SLC35C1: variants seen among roughly 807,000 people sequenced by gnomAD.
SLC35C1 encodes the protein GDP-fucose transporter 1.
In SLC35C1, 8 loss-of-function variants were observed where a neutral mutation model predicts 23.2. The observed-to-expected ratio is 0.35, with a 90% CI of 0.20 to 0.62. The LOEUF (loss-of-function observed/expected upper bound fraction) is 0.62, where lower values mean the gene tolerates loss of function less well. Among genes scored for constraint, SLC35C1 ranks in the 20% least tolerant of loss-of-function variants. SLC35C1 has a pLI of 0.75. For synonymous variants in SLC35C1, 226 were observed against 225.1 expected (o/e 1.00, Z -0.04); for missense variants, 422 against 478.6 (o/e 0.88, Z 1.10).
intron 1 of SLC35C1, 24 bp downstream of exon 1, chr11:45,806,360 G>T: frequency 6.2e-7 from 1 of 1,609,948 alleles, no homozygotes; most frequent in East Asian, 2.2e-5. Flanking sequence ...GGGGCCACGG[G>T]GGATAGAGTG....
chr11:45,810,377 G>A, intron 1 of SLC35C1: 1 of 985,402 alleles, frequency 1.0e-6, no homozygotes, highest in Non-Finnish European at 1.2e-6. Flanking sequence ...TCATTCTTCA[G>A]AACTCAGTTC....
At position 45,811,194 on chromosome 11, in the gene SLC35C1, C is replaced by G. The variant is rs767630837; in HGVS notation, c.954C>G (p.Thr318=). Residue 318 remains threonine, a synonymous_variant, in exon 2 of 2, where the codon ACC becomes ACG. Coordinates refer to ENST00000314134, the MANE Select transcript of SLC35C1 (RefSeq NM_018389.5). ...TGGCCGTGCTCTACTACGAGGAGACCAAGAGCTTCCTCTGGTGGACGAGCA... is the reference window on the plus strand; with the variant it reads ...TGGCCGTGCTCTACTACGAGGAGACGAAGAGCTTCCTCTGGTGGACGAGCA... The part of the protein sequence containing the change: ...TVLAVLYYEE[T]KSFLWWTSNM... The G allele has an allele frequency of 2.5e-6, 4 of 1,610,898 alleles. No individual in the cohort carries two copies. The East Asian group carries it at 6.7e-5, about 27-fold the overall frequency.
rs543822651 is a variant in SLC35C1 at position 45,806,918 on chromosome 11, G to A, written c.535+582G>A. On this transcript the variant is annotated intron_variant, in intron 1 of 1. Transcript: ENST00000314134. Reference sequence around the variant, plus strand: ...TCACTCTCTGCCAGCTCAGGATAGCGCCTGAGACAGTAGCAAGCAATATGC... The same window carrying A: ...TCACTCTCTGCCAGCTCAGGATAGCACCTGAGACAGTAGCAAGCAATATGC... The A allele has an allele frequency of 9.4e-5, 93 of 984,836 alleles. No individual in the cohort carries two copies. In the African/African-American group the frequency reaches 1.4e-3, roughly 15 times the overall value. The allele number at this position is 984,836 out of a possible 1,614,324, so 61.0% of individuals were successfully genotyped here.
upstream of SLC35C1, chr11:45,804,669 G>A: frequency 2.0e-6 from 2 of 985,626 alleles, no homozygotes; most frequent in Non-Finnish European, 2.4e-6. Flanking sequence ...GCTTGGGAGA[G>A]GGCCTGGGGG....
intron 1 of SLC35C1, chr11:45,810,088 G>A (rs1212131417): frequency 4.1e-6 from 4 of 985,292 alleles, no homozygotes; most frequent in Admixed American, 6.1e-5. Flanking sequence ...GGAAGCTGGG[G>A]CGACCATAGG....
At chr11:45,806,689 A>G (rs1181410317) in intron 1 of SLC35C1, among the ~76,000 whole-genome samples, 1 of 152,230 alleles carries the variant, frequency 6.6e-6, no homozygotes, top group East Asian at 1.9e-4. Flanking sequence ...ACAGAGGGAA[A>G]AACCAAGGCA....
intron 1 of SLC35C1, among the ~76,000 whole-genome samples, chr11:45,809,085 A>G (rs112547680): frequency 0.032 from 4,855 of 152,140 alleles, 99 homozygotes; most frequent in South Asian, 0.057. Flanking sequence ...TAATACAACC[A>G]CCTCCATAAC....
In SLC35C1 at chr11:45,811,890, C is replaced by G. The variant is rs2085952657; in HGVS notation, c.*555C>G. ...CTGAGGGAGGAAATGAGCGAGTTCC[C>G]TCTGACACCAGCAGATCCCCAGGGG... On this transcript the variant is annotated 3_prime_UTR_variant, in exon 2 of 2. Coordinates refer to ENST00000314134, the MANE Select transcript of SLC35C1 (RefSeq NM_018389.5). 6.5e-6 allele frequency: 1 copy of G among 153,850 alleles called. No homozygotes were observed. Among genetic ancestry groups the G allele is most frequent in the South Asian group, 2.0e-4 (1 of 4,888 alleles). 9.5% of individuals were successfully genotyped at this position (153,850 alleles called of 1,614,324 possible).
rs2085869545 is a variant in SLC35C1 at position 45,806,031 on chromosome 11, CCTT to C, written c.233_235del (p.Phe78del). ...CGGCTGGACACCCCCATCTTCGTCA[CCTT>C]CTACCAGTGCCTGGTGACCACGCTG... On this transcript the variant is annotated inframe_deletion, in exon 1 of 2. Coordinates refer to ENST00000314134, the MANE Select transcript of SLC35C1 (RefSeq NM_018389.5). The C allele has an allele frequency of 6.2e-7, 1 of 1,613,914 alleles. No individual in the cohort carries two copies. Among genetic ancestry groups the C allele is most frequent in the Non-Finnish European group, 8.5e-7 (1 of 1,180,018 alleles).
Position 45,809,658 on chromosome 11 carries a change from G to C in SLC35C1, c.536-1118G>C, listed in dbSNP as rs945170779. On this transcript the variant is annotated intron_variant, in intron 1 of 1. Coordinates refer to ENST00000314134, the MANE Select transcript of SLC35C1 (RefSeq NM_018389.5). ...GGAGGACAGGGAGGTGACCCAGAGA[G>C]CTCAGAGTGGTTAAGTAACTTCTCC... The C allele has an allele frequency of 6.2e-6, 4 of 649,378 alleles. No individual in the cohort carries two copies. In the East Asian group the frequency reaches 5.5e-4, roughly 90 times the overall value. The allele number at this position is 649,378 out of a possible 1,614,324, so 40.2% of individuals were successfully genotyped here.
chr11:45,808,799 TC>T (rs1308822595), intron 1 of SLC35C1, among the ~76,000 whole-genome samples: 1 of 152,116 alleles, frequency 6.6e-6, no homozygotes, highest in Non-Finnish European at 1.5e-5. Flanking sequence ...GGTCAAGAGT[TC>T]AAGACCAGCT....
Position 45,805,344 on chromosome 11 carries a change from TCCCTCCCACA to T in SLC35C1, c.-457_-448del, listed in dbSNP as rs1488895713. The T allele has an allele frequency of 9.8e-6, 1 of 101,978 alleles. No individual in the cohort carries two copies. Among genetic ancestry groups the T allele is most frequent in the Non-Finnish European group, 1.1e-5 (1 of 86,966 alleles). 6.3% of individuals were successfully genotyped at this position (101,978 alleles called of 1,614,324 possible). A position where few individuals can be genotyped will look rare whatever the true frequency, so the allele number is the denominator to read the frequency against. On this transcript the variant is annotated 5_prime_UTR_variant, in exon 1 of 2. Coordinates refer to ENST00000314134, the MANE Select transcript of SLC35C1 (RefSeq NM_018389.5). Reference sequence around the variant, plus strand: ...ACGCCTCCCTCCCCCTGCCCGCCCCTCCCTCCCACAGCCGCCCATGACGCCCTCTCGGCAC... The same window carrying T: ...ACGCCTCCCTCCCCCTGCCCGCCCCTGCCGCCCATGACGCCCTCTCGGCAC...
In SLC35C1 at chr11:45,811,119, G is replaced by A. The variant is rs573349525; in HGVS notation, c.879G>A (p.Pro293=). ...GACTGCAGATCAAGTTCACCAGTCC[G>A]CTGACCCACAATGTGTCGGGCACGG... is the stretch of plus-strand genomic sequence containing the variant. The part of the protein sequence containing the change: ...VTGLQIKFTS[P]LTHNVSGTAK... Residue 293 remains proline, a synonymous_variant, in exon 2 of 2, where the codon CCG becomes CCA. Transcript: ENST00000314134. The A allele has an allele frequency of 1.7e-4, 273 of 1,613,134 alleles. 1 individual carries two copies. Among genetic ancestry groups the A allele is most frequent in the South Asian group, 9.4e-4 (86 of 91,088 alleles).
chr11:45,810,358 A>C, intron 1 of SLC35C1: 3 of 985,378 alleles, frequency 3.0e-6, no homozygotes, highest in Non-Finnish European at 3.6e-6. Context: ...ATTAACCACT[A>C]AGTGGCACTC....
upstream of SLC35C1, chr11:45,804,121 G>A (rs1220402779): frequency 6.6e-6 from 1 of 152,352 alleles, no homozygotes; most frequent in East Asian, 1.9e-4. Context: ...GCGGGCCAGG[G>A]ATACAGCCAA....
upstream of SLC35C1, chr11:45,804,670 G>C: frequency 1.0e-6 from 1 of 985,696 alleles, no homozygotes; most frequent in Non-Finnish European, 1.2e-6. Flanking sequence ...CTTGGGAGAG[G>C]GCCTGGGGGC....
intron 1 of SLC35C1, among the ~76,000 whole-genome samples, chr11:45,807,610 C>G (rs964616881): frequency 6.6e-6 from 1 of 152,194 alleles, no homozygotes; most frequent in Non-Finnish European, 1.5e-5. Flanking sequence ...CTCAGGGTCC[C>G]AGGCTAGATG....
chr11:45,804,900 G>A, upstream of SLC35C1: 4 of 985,668 alleles, frequency 4.1e-6, no homozygotes, highest in Non-Finnish European at 4.8e-6. Flanking sequence ...CGGAGCTGAG[G>A]GTGGGCAGGC....
intron 1 of SLC35C1, 78 bp from the exon 2 acceptor site, chr11:45,810,698 T>C (rs545574572): frequency 1.3e-6 from 2 of 1,533,594 alleles, no homozygotes; most frequent in Non-Finnish European, 1.7e-6. Context: ...AAATTTGGTG[T>C]CTGATCCTCT....
Sources: gnomAD v4.1 joint callset for allele counts (sites outside exome capture counted in the v4.1 genomes callset) on GRCh38, gnomAD v4.1.1 for gene constraint, MANE v1.5 for transcripts, NCBI Gene and HGNC (gene_info 2026-07-23, HGNC 2026-07-21) for gene names.